The following CCDC171 variants were observed in gnomAD, a reference collection of about 807,000 sequenced individuals.
The protein encoded by CCDC171 is coiled-coil domain containing 171.
A neutral mutation model predicts 168.2 loss-of-function variants in CCDC171; 177 were observed. That is an observed-to-expected ratio of 1.05 (90% confidence interval 0.93 to 1.19). CCDC171 has a LOEUF of 1.19. Among genes scored for constraint, CCDC171 ranks in the 50% most tolerant of loss-of-function variants. The pLI, the probability that CCDC171 is intolerant of heterozygous loss-of-function variation, is 0.00. For missense variants in CCDC171, 1,991 were observed against 1,539.0 expected, an observed-to-expected ratio of 1.29 and a Z score of -4.91; for synonymous variants, 687 against 540.8, an observed-to-expected ratio of 1.27 and a Z score of -3.75.
chr9:15,728,581 A>G (rs1271086914), intron 15 of CCDC171, among the ~76,000 whole-genome samples: 1 of 152,188 alleles, frequency 6.6e-6, no homozygotes. Context: ...AGTGTATTTT[A>G]TAGGAGAATA....
the CCDC171 span, among the ~76,000 whole-genome samples, chr9:16,069,925 G>T: frequency 3.3e-5 from 5 of 152,196 alleles, no homozygotes; most frequent in South Asian, 1.0e-3. Context: ...GATTGCCAGG[G>T]CTCCCCCTCC....
chr9:15,620,361 G>A (rs1344347770), intron 6 of CCDC171, among the ~76,000 whole-genome samples: 2 of 152,270 alleles, frequency 1.3e-5, no homozygotes, highest in African/African-American at 4.8e-5. Context: ...ATTAACAGGA[G>A]TTTGGAGGAA....
chr9:16,001,558 A>C (rs952218601), intron 3 of CCDC171, among the ~76,000 whole-genome samples: 1 of 152,168 alleles, frequency 6.6e-6, no homozygotes, highest in Non-Finnish European at 1.5e-5. Context: ...TATTCCAGTC[A>C]TGCACTGCAT....
At chr9:15,825,679 T>C (rs2059981918) in intron 21 of CCDC171, among the ~76,000 whole-genome samples, 1 of 152,118 alleles carries the variant, frequency 6.6e-6, no homozygotes, top group Admixed American at 6.6e-5. Context: ...GGGCATTTTC[T>C]CTCTAGGAGA....
intron 7 of CCDC171, among the ~76,000 whole-genome samples, chr9:15,628,461 CA>C (rs1336730342): frequency 1.3e-5 from 2 of 152,200 alleles, no homozygotes; most frequent in African/African-American, 4.8e-5. Flanking sequence ...TGCAAGGCGG[CA>C]GCGAGGCTAG....
At chr9:15,812,921 A>G (rs894045616) in intron 21 of CCDC171, among the ~76,000 whole-genome samples, 1 of 152,202 alleles carries the variant, frequency 6.6e-6, no homozygotes, top group Non-Finnish European at 1.5e-5. Flanking sequence ...ATGAGGACCT[A>G]CATTTGGACC....
At chr9:15,750,729 C>T (rs757237420) in intron 18 of CCDC171, among the ~76,000 whole-genome samples, 1 of 152,130 alleles carries the variant, frequency 6.6e-6, no homozygotes. Context: ...AATTCAACAG[C>T]CCTTCATGCT....
intron 8 of CCDC171, among the ~76,000 whole-genome samples, chr9:15,659,262 A>G (rs747784381): frequency 3.9e-5 from 6 of 152,166 alleles, no homozygotes; most frequent in Non-Finnish European, 8.8e-5. Context: ...CCAGTTTCCC[A>G]GGTGTTAGGA....
intron 21 of CCDC171, among the ~76,000 whole-genome samples, chr9:15,805,599 C>G (rs750288383): frequency 7.2e-5 from 11 of 152,052 alleles, no homozygotes; most frequent in Non-Finnish European, 1.2e-4. Flanking sequence ...TAACACTAGT[C>G]TGAGAGACTG....
In CCDC171 at chr9:15,621,170, T is replaced by C. The variant is rs537765434; in HGVS notation, c.676-2097T>C. ...TTAGTAGAGATGGGGTTTTGCCATG[T>C]TGGCCAGGCTTGTCTCAGATTCCTG... On this transcript the variant is annotated intron_variant, in intron 6 of 25. Coordinates refer to ENST00000380701, the MANE Select transcript of CCDC171 (RefSeq NM_173550.4). 3.8e-3 allele frequency among the ~76,000 whole-genome samples: 581 copies of C among 152,338 alleles called. 2 individuals carry two copies. Among genetic ancestry groups the C allele is most frequent in the African/African-American group, 0.014 (568 of 41,578 alleles).
At chr9:15,836,427 G>A (rs1211768865) in intron 21 of CCDC171, among the ~76,000 whole-genome samples, 4 of 152,022 alleles carry the variant, frequency 2.6e-5, no homozygotes, top group Non-Finnish European at 4.4e-5. Context: ...GTGCAGTGGC[G>A]CCATCTCGGC....
At chr9:15,928,818 A>G (rs1404440750) in intron 25 of CCDC171, among the ~76,000 whole-genome samples, 1 of 151,666 alleles carries the variant, frequency 6.6e-6, no homozygotes, top group African/African-American at 2.4e-5. Flanking sequence ...ATATTTCCAA[A>G]CTTTTAAAGG....
intron 14 of CCDC171, among the ~76,000 whole-genome samples, chr9:15,725,726 A>G (rs1464302976): frequency 1.3e-5 from 2 of 152,224 alleles, no homozygotes; most frequent in Non-Finnish European, 2.9e-5. Context: ...CTGGGATTAC[A>G]GGCCTGAGCC....
intron 7 of CCDC171, among the ~76,000 whole-genome samples, chr9:15,633,874 G>A (rs1192830596): frequency 6.6e-6 from 1 of 152,278 alleles, no homozygotes; most frequent in East Asian, 1.9e-4. Flanking sequence ...GTCCTTTGTA[G>A]GGACATGGAT....
At chr9:16,076,156 C>T in the CCDC171 span, among the ~76,000 whole-genome samples, 3 of 152,214 alleles carry the variant, frequency 2.0e-5, no homozygotes, top group Admixed American at 2.0e-4. Context: ...CTTTACCCAG[C>T]AGGGCTTGAG....
chr9:15,713,171 A>G (rs2052804651), intron 11 of CCDC171, among the ~76,000 whole-genome samples: 1 of 152,112 alleles, frequency 6.6e-6, no homozygotes. Flanking sequence ...AGTCACATCC[A>G]CTACTTGACG....
chr9:15,587,911 C>G (rs1261402186), intron 4 of CCDC171, among the ~76,000 whole-genome samples: 2 of 152,010 alleles, frequency 1.3e-5, no homozygotes, highest in Non-Finnish European at 2.9e-5. Flanking sequence ...AAGTAAGAAC[C>G]AGGTGTTATA....
At chr9:15,638,549 C>T (rs1290952245) in intron 7 of CCDC171, among the ~76,000 whole-genome samples, 1 of 151,836 alleles carries the variant, frequency 6.6e-6, no homozygotes, top group Non-Finnish European at 1.5e-5. Context: ...CAAACTAAAG[C>T]AACTAATAAA....
intron 21 of CCDC171, among the ~76,000 whole-genome samples, chr9:15,787,437 A>G (rs1197774037): frequency 6.6e-6 from 1 of 152,144 alleles, no homozygotes; most frequent in Non-Finnish European, 1.5e-5. Flanking sequence ...CTAATTTAAT[A>G]TTATAGACTT....
Sources: gnomAD v4.1 joint callset for allele counts (sites outside exome capture counted in the v4.1 genomes callset) on GRCh38, gnomAD v4.1.1 for gene constraint, MANE v1.5 for transcripts, NCBI Gene and HGNC (gene_info 2026-07-23, HGNC 2026-07-21) for gene names.